The following CSMD1 variants were observed in gnomAD, a reference collection of about 807,000 sequenced individuals.
CSMD1 encodes the protein CUB and Sushi multiple domains 1.
CSMD1 carries 213 observed loss-of-function variants against 417.5 expected under a neutral mutation model. The observed-to-expected ratio is 0.51, with a 90% confidence interval of 0.46 to 0.57. The LOEUF (loss-of-function observed/expected upper bound fraction) is 0.57, where lower values mean the gene tolerates loss of function less well. Ranked by LOEUF, CSMD1 falls within the 20% of genes least tolerant of loss-of-function variation. The pLI, the probability that CSMD1 is intolerant of heterozygous loss-of-function variation, is 0.00. For missense variants in CSMD1, 6,923 were observed against 4,529.7 expected, an observed-to-expected ratio of 1.53 and a Z score of -15.17; for synonymous variants, 2,862 against 1,736.8, an observed-to-expected ratio of 1.65 and a Z score of -16.11.
At chr8:3,588,373 A>G (rs1368644065) in intron 8 of CSMD1, among the ~76,000 whole-genome samples, 1 of 152,168 alleles carries the variant, frequency 6.6e-6, no homozygotes, top group Admixed American at 6.5e-5. Context: ...ATGACATGAG[A>G]GTCCTCGGGT....
chr8:4,704,047 T>C lies in CSMD1; in HGVS notation c.86-66489A>G, dbSNP rs149497089. On this transcript the variant is annotated intron_variant, in intron 1 of 69. Coordinates refer to ENST00000635120, the MANE Select transcript of CSMD1 (RefSeq NM_033225.6). ...CGAGGCGGATCTCAGGCAGTAATGCTGGTTCCCTGGCTGCTCACCTCCAGC... is the reference window on the plus strand; with the variant it reads ...CGAGGCGGATCTCAGGCAGTAATGCCGGTTCCCTGGCTGCTCACCTCCAGC... 7.2e-4 allele frequency among the ~76,000 whole-genome samples: 109 copies of C among 152,328 alleles called. No homozygotes were observed. In the East Asian group the frequency reaches 0.019, roughly 26 times the overall value.
chr8:2,950,136 T>C, intron 67 of CSMD1, 95 bp downstream of exon 67: 1 of 792,546 alleles, frequency 1.3e-6, no homozygotes. Flanking sequence ...ACAAGACAGC[T>C]CTACTCAGAA....
Position 3,220,383 on chromosome 8 carries a change from G to T in CSMD1, c.4485-941C>A, listed in dbSNP as rs147370705. Among the ~76,000 whole-genome samples, 73 of 152,284 alleles carry T rather than the reference G, an allele frequency of 4.8e-4. No homozygotes were observed. In the East Asian group the frequency reaches 0.01, roughly 22 times the overall value. ...AGTGTAACAATTTAAATTCAAAGGT[G>T]TCAAGGGCTGGGCTGTGTTTGCCAT... On this transcript the variant is annotated intron_variant, in intron 28 of 69. Transcript: ENST00000635120.
intron 5 of CSMD1, among the ~76,000 whole-genome samples, chr8:3,759,341 G>A (rs1797858253): frequency 6.6e-6 from 1 of 152,086 alleles, no homozygotes; most frequent in Non-Finnish European, 1.5e-5. Context: ...ATGGTACAAT[G>A]TGACACAATT....
chr8:3,162,446 G>A lies in CSMD1; in HGVS notation c.5726-169C>T, dbSNP rs73183554. On this transcript the variant is annotated intron_variant, in intron 37 of 69. Coordinates refer to ENST00000635120, the MANE Select transcript of CSMD1 (RefSeq NM_033225.6). ...AGACTTTGAGTACCTTTAAATCAGA[G>A]CTATGAGTTAATTGTTAAAAATTAA... Among the ~76,000 whole-genome samples the A allele has an allele frequency of 4.0e-3, 615 of 152,176 alleles. 1 individual carries two copies. Among genetic ancestry groups the A allele is most frequent in the Non-Finnish European group, 6.0e-3 (405 of 68,004 alleles).
At chr8:3,251,741 GA>G (rs1388083460) in intron 26 of CSMD1, among the ~76,000 whole-genome samples, 1 of 152,016 alleles carries the variant, frequency 6.6e-6, no homozygotes, top group Non-Finnish European at 1.5e-5. Flanking sequence ...TTATTTCATT[GA>G]GCAGTGGATT....
At chr8:3,041,321 A>C (rs113085581) in intron 50 of CSMD1, among the ~76,000 whole-genome samples, 6,240 of 152,256 alleles carry the variant, frequency 0.041, 439 homozygotes, top group African/African-American at 0.14. Context: ...CATTATATTA[A>C]TATAGAACAA....
intron 5 of CSMD1, among the ~76,000 whole-genome samples, chr8:3,888,664 T>C (rs1042525405): frequency 9.2e-5 from 14 of 152,070 alleles, no homozygotes; most frequent in Admixed American, 5.2e-4. Flanking sequence ...TTAATCTCAT[T>C]GTGCACTGAG....
intron 5 of CSMD1, among the ~76,000 whole-genome samples, chr8:3,796,863 T>C (rs191119894): frequency 1.6e-4 from 25 of 151,762 alleles, no homozygotes; most frequent in East Asian, 1.2e-3. Flanking sequence ...TTTCATTCTA[T>C]TGTTTCTACA....
chr8:3,737,162 T>TA (rs1340172204), intron 6 of CSMD1, among the ~76,000 whole-genome samples: 1 of 152,232 alleles, frequency 6.6e-6, no homozygotes, highest in Non-Finnish European at 1.5e-5. Context: ...ATTAGTTTAA[T>TA]AAAAATTGCA....
chr8:4,490,451 T>A (rs991318901), intron 2 of CSMD1, among the ~76,000 whole-genome samples: 1 of 152,254 alleles, frequency 6.6e-6, no homozygotes, highest in Non-Finnish European at 1.5e-5. Flanking sequence ...CTTTTAGTTT[T>A]TTAATGACAA....
rs2117187676 is a variant in CSMD1, at chr8:3,468,832, A to G, written c.1449-8T>C. 1.5e-5 allele frequency: 23 copies of G among 1,569,214 alleles called. No homozygotes were observed. Among genetic ancestry groups the G allele is most frequent in the Non-Finnish European group, 2.0e-5 (23 of 1,154,404 alleles). ...ACACTGGATCCCGTGAGCCTGCAAG[A>G]AAGAGAAATGTCAAAGCTTTTAGGT... On this transcript the variant is annotated splice_region_variant and splice_polypyrimidine_tract_variant and intron_variant, in intron 11 of 69. Transcript: ENST00000635120.
At chr8:4,215,784 A>G (rs1023647285) in intron 3 of CSMD1, among the ~76,000 whole-genome samples, 6 of 152,172 alleles carry the variant, frequency 3.9e-5, no homozygotes, top group African/African-American at 9.7e-5. Context: ...TCTTGGTGGA[A>G]TATCTATTCT....
intron 5 of CSMD1, among the ~76,000 whole-genome samples, chr8:3,800,801 G>T (rs574096255): frequency 3.3e-5 from 5 of 151,988 alleles, no homozygotes; most frequent in African/African-American, 7.2e-5. Context: ...TATTTTGTAC[G>T]TGCCCACTTC....
intron 68 of CSMD1, among the ~76,000 whole-genome samples, chr8:2,948,359 G>C (rs950115042): frequency 1.3e-5 from 2 of 151,924 alleles, no homozygotes; most frequent in Non-Finnish European, 2.9e-5. Context: ...ATAGGAAGCA[G>C]ACGAGGTAGC....
rs1802538915 is a variant in CSMD1, at chr8:2,950,283, G to C, written c.10262C>G (p.Ala3421Gly). The change falls in exon 67 of 70, where the codon GCA becomes GGA. Residue 3421 changes from alanine to glycine, a missense_variant. Transcript: ENST00000635120. ...TTCGAACTTGCTTACAAAAATATCTGCCTGGCCTTTAATTTGAAAAGCTTT... is the reference window on the plus strand; with the variant it reads ...TTCGAACTTGCTTACAAAAATATCTCCCTGGCCTTTAATTTGAAAAGCTTT... ...LLKAFQIKGQ[A>G]DIFVSKFEND... 8 of 1,613,414 alleles carry C rather than the reference G, an allele frequency of 5.0e-6. No individual in the cohort carries two copies. The highest frequency in any genetic ancestry group is 6.8e-6 in the Non-Finnish European group (8 of 1,179,434).
At chr8:3,421,288 C>T (rs1563371806) in intron 12 of CSMD1, among the ~76,000 whole-genome samples, 1 of 152,114 alleles carries the variant, frequency 6.6e-6, no homozygotes, top group Admixed American at 6.6e-5. Context: ...AGTAGGTCCT[C>T]CACAAGGAAA....
intron 17 of CSMD1, among the ~76,000 whole-genome samples, chr8:3,388,241 A>C (rs1422501356): frequency 6.6e-6 from 1 of 152,224 alleles, no homozygotes; most frequent in African/African-American, 2.4e-5. Context: ...AGTTTAAGTC[A>C]GCCACTTGCA....
intron 3 of CSMD1, among the ~76,000 whole-genome samples, chr8:4,348,401 G>C (rs1007623052): frequency 6.6e-6 from 1 of 152,082 alleles, no homozygotes; most frequent in Non-Finnish European, 1.5e-5. Flanking sequence ...GCAGGTCACA[G>C]AACTGTAAGT....
Sources: gnomAD v4.1 joint callset for allele counts (sites outside exome capture counted in the v4.1 genomes callset) on GRCh38, gnomAD v4.1.1 for gene constraint, MANE v1.5 for transcripts, NCBI Gene and HGNC (gene_info 2026-07-23, HGNC 2026-07-21) for gene names.